COL25A1: variants seen among roughly 807,000 people sequenced by gnomAD.
The protein encoded by COL25A1 is collagen alpha-1(XXV) chain.
Under a neutral mutation model 128.4 loss-of-function variants are expected in COL25A1, and 103 were observed. The observed-to-expected ratio is 0.80, with a 90% CI of 0.68 to 0.94. COL25A1 has a LOEUF of 0.94. Ranked by LOEUF, COL25A1 falls within the 40% of genes least tolerant of loss-of-function variation. The probability of loss-of-function intolerance (pLI) is 0.00; values close to 1 mark genes in which losing one functional copy is unlikely to be tolerated. For missense variants in COL25A1, 745 were observed against 840.0 expected (o/e 0.89, Z 1.40); for synonymous variants, 279 against 277.2 (o/e 1.01, Z -0.06).
At chr4:108,907,173 C>T (rs1006788933) in intron 13 of COL25A1, among the ~76,000 whole-genome samples, 4 of 152,168 alleles carry the variant, frequency 2.6e-5, no homozygotes, top group African/African-American at 7.2e-5. Context: ...TGAAGCGAGG[C>T]GAGTGCGAGT....
intron 5 of COL25A1, among the ~76,000 whole-genome samples, chr4:109,023,544 A>G (rs1724445): frequency 0.5 from 76,282 of 151,986 alleles, 21,923 homozygotes; most frequent in African/African-American, 0.77. Context: ...GAACTTTCCA[A>G]CGAGGAGCTA....
intron 3 of COL25A1, among the ~76,000 whole-genome samples, chr4:109,166,659 G>A (rs549642556): frequency 6.6e-5 from 10 of 152,268 alleles, no homozygotes; most frequent in East Asian, 1.9e-4. Flanking sequence ...TAACAACAAC[G>A]TATATTTACA....
intron 31 of COL25A1, among the ~76,000 whole-genome samples, chr4:108,836,917 A>G (rs901117348): frequency 6.6e-6 from 1 of 152,048 alleles, no homozygotes; most frequent in Non-Finnish European, 1.5e-5. Flanking sequence ...TGTCTCTACT[A>G]AAAATAGAAA....
intron 3 of COL25A1, among the ~76,000 whole-genome samples, chr4:109,263,989 A>C (rs1781620387): frequency 6.6e-6 from 1 of 152,254 alleles, no homozygotes; most frequent in Non-Finnish European, 1.5e-5. Flanking sequence ...CTTAGAGCCT[A>C]ATGGAACAGA....
At chr4:108,838,129 T>G in intron 31 of COL25A1, 2 of 1,550,416 alleles carry the variant, frequency 1.3e-6, no homozygotes, top group Non-Finnish European at 1.7e-6. Flanking sequence ...GTCACCCTTT[T>G]GACCTGGTTC....
At chr4:109,011,193 ACTGAG>A (rs934592479) in intron 5 of COL25A1, among the ~76,000 whole-genome samples, 4 of 152,188 alleles carry the variant, frequency 2.6e-5, no homozygotes, top group African/African-American at 4.8e-5. Flanking sequence ...AAATGTTCAC[ACTGAG>A]TTAAGAAATC....
chr4:109,197,420 ATT>A (rs1307752261), intron 3 of COL25A1, among the ~76,000 whole-genome samples: 1 of 126,826 alleles, frequency 7.9e-6, no homozygotes, highest in Non-Finnish European at 1.6e-5. Flanking sequence ...TATATTATAT[ATT>A]ATATATAAAT....
intron 24 of COL25A1, among the ~76,000 whole-genome samples, chr4:108,855,199 T>TTTG (rs1195645937): frequency 4.2e-4 from 62 of 147,726 alleles, no homozygotes; most frequent in Admixed American, 2.2e-3. Flanking sequence ...CTGTTTTTTT[T>TTTG]TTTTATTTTT....
At chr4:109,008,619 CT>C (rs989921849) in intron 6 of COL25A1, among the ~76,000 whole-genome samples, 2 of 152,220 alleles carry the variant, frequency 1.3e-5, no homozygotes, top group Admixed American at 6.5e-5. Context: ...GTCTCACCAC[CT>C]TCTTTCAAGG....
At chr4:109,064,217 G>A (rs1242858490) in intron 3 of COL25A1, among the ~76,000 whole-genome samples, 1 of 152,178 alleles carries the variant, frequency 6.6e-6, no homozygotes, top group Non-Finnish European at 1.5e-5. Flanking sequence ...TTGGACCTTG[G>A]AAACAGTTTC....
At chr4:109,002,221 A>T (rs1260647798) in intron 6 of COL25A1, among the ~76,000 whole-genome samples, 1 of 152,236 alleles carries the variant, frequency 6.6e-6, no homozygotes, top group Non-Finnish European at 1.5e-5. Context: ...TATATATCTG[A>T]AGGAAGTGAA....
intron 22 of COL25A1, 60 bp downstream of exon 22, chr4:108,862,441 G>A (rs778463823): frequency 1.1e-4 from 143 of 1,311,296 alleles, no homozygotes; most frequent in Non-Finnish European, 1.6e-4. Flanking sequence ...TGTGGCAAAG[G>A]CAAAAAGCAC....
intron 5 of COL25A1, among the ~76,000 whole-genome samples, chr4:109,046,886 C>T (rs915066293): frequency 2.6e-5 from 4 of 152,076 alleles, no homozygotes; most frequent in African/African-American, 7.2e-5. Flanking sequence ...TCATTGCTAC[C>T]GTAAATGCAC....
At chr4:108,844,930 C>T (rs1734908317) in intron 29 of COL25A1, among the ~76,000 whole-genome samples, 1 of 152,166 alleles carries the variant, frequency 6.6e-6, no homozygotes, top group African/African-American at 2.4e-5. Context: ...AAGATCTACC[C>T]ATTGTTAGGA....
chr4:109,011,567 T>C (rs1756592638), intron 5 of COL25A1, among the ~76,000 whole-genome samples: 1 of 152,236 alleles, frequency 6.6e-6, no homozygotes, highest in Non-Finnish European at 1.5e-5. Context: ...CTTTGGGATA[T>C]GCTATTATAT....
intron 15 of COL25A1, 84 bp downstream of exon 15, chr4:108,899,070 T>G: frequency 2.2e-6 from 3 of 1,333,554 alleles, no homozygotes; most frequent in Admixed American, 1.9e-5. Context: ...CATCCATTCA[T>G]GCATATAGTT....
At chr4:108,869,991 A>C (rs1176051936) in intron 19 of COL25A1, among the ~76,000 whole-genome samples, 1 of 152,172 alleles carries the variant, frequency 6.6e-6, no homozygotes, top group Non-Finnish European at 1.5e-5. Flanking sequence ...TGTGGCTCAC[A>C]CCTGTAATCC....
At chr4:109,173,750 C>G (rs1274391233) in intron 3 of COL25A1, among the ~76,000 whole-genome samples, 1 of 152,040 alleles carries the variant, frequency 6.6e-6, no homozygotes, top group Admixed American at 6.5e-5. Context: ...TAATTATTGT[C>G]AACTATAATT....
intron 30 of COL25A1, among the ~76,000 whole-genome samples, chr4:108,843,193 AGAAGAAG>A (rs1223973330): frequency 9.2e-5 from 14 of 151,608 alleles, no homozygotes; most frequent in Non-Finnish European, 1.6e-4. Flanking sequence ...GAAAGAAGAA[AGAAGAAG>A]GAAGAAGGAA....
Sources: allele counts gnomAD v4.1 joint callset (sites outside exome capture counted in the v4.1 genomes callset), GRCh38; gene constraint gnomAD v4.1.1; transcripts MANE v1.5; gene names NCBI Gene and HGNC (gene_info 2026-07-23, HGNC 2026-07-21).